The following MACROD2 variants were observed in gnomAD, a reference collection of about 807,000 sequenced individuals.
MACROD2 encodes the protein mono-ADP ribosylhydrolase 2, also known as ADP-ribose glycohydrolase MACROD2.
Under a neutral mutation model 70.4 loss-of-function variants are expected in MACROD2, and 36 were observed. That is an observed-to-expected ratio of 0.51 (90% CI 0.39 to 0.68). MACROD2 has a LOEUF of 0.68. Among genes scored for constraint, MACROD2 ranks in the 30% least tolerant of loss-of-function variants. MACROD2 has a pLI of 0.00. For synonymous variants in MACROD2, 172 were observed against 178.8 expected, an observed-to-expected ratio of 0.96 and a Z score of 0.30; for missense variants, 496 against 538.4, an observed-to-expected ratio of 0.92 and a Z score of 0.78.
intron 10 of MACROD2, among the ~76,000 whole-genome samples, chr20:15,931,273 T>C (rs906766938): frequency 3.3e-5 from 5 of 152,168 alleles, no homozygotes; most frequent in African/African-American, 1.2e-4. Context: ...AAATATCAGA[T>C]AATCATGTAG....
At chr20:14,556,073 T>C (rs1007442314) in intron 4 of MACROD2, among the ~76,000 whole-genome samples, 4 of 152,096 alleles carry the variant, frequency 2.6e-5, no homozygotes, top group Admixed American at 6.6e-5. Flanking sequence ...TGCCTGCATA[T>C]GAACAACAAA....
At chr20:15,144,654 A>T (rs941411967) in intron 5 of MACROD2, among the ~76,000 whole-genome samples, 1 of 152,206 alleles carries the variant, frequency 6.6e-6, no homozygotes, top group Non-Finnish European at 1.5e-5. Context: ...CTTTGTTAAA[A>T]ATAATCAGGT....
intron 5 of MACROD2, among the ~76,000 whole-genome samples, chr20:14,982,534 C>G (rs141090628): frequency 3.3e-5 from 5 of 152,148 alleles, no homozygotes; most frequent in Admixed American, 3.3e-4. Flanking sequence ...TGTGTGCAGC[C>G]TAGGGACTTG....
At chr20:14,619,658 T>C (rs1983717799) in intron 4 of MACROD2, among the ~76,000 whole-genome samples, 1 of 152,066 alleles carries the variant, frequency 6.6e-6, no homozygotes, top group African/African-American at 2.4e-5. Flanking sequence ...TCCCTATTTT[T>C]CCCTTTCTTT....
At chr20:16,011,150 T>C (rs1212829926) in intron 15 of MACROD2, among the ~76,000 whole-genome samples, 3 of 152,198 alleles carry the variant, frequency 2.0e-5, no homozygotes, top group Non-Finnish European at 4.4e-5. Context: ...TGAAGAAGCA[T>C]GTTCTAATCG....
chr20:14,462,216 G>A (rs895207726), intron 3 of MACROD2, among the ~76,000 whole-genome samples: 1 of 152,074 alleles, frequency 6.6e-6, no homozygotes, highest in Non-Finnish European at 1.5e-5. Flanking sequence ...ACTTTTTAAT[G>A]ATTGCCATTC....
At chr20:15,243,686 C>T (rs192780395) in intron 6 of MACROD2, among the ~76,000 whole-genome samples, 30 of 151,756 alleles carry the variant, frequency 2.0e-4, no homozygotes, top group Admixed American at 1.5e-3. Context: ...GAGGCCGAGG[C>T]GGGCAAATCA....
At chr20:15,513,191 T>C (rs1325340206) in intron 8 of MACROD2, among the ~76,000 whole-genome samples, 1 of 152,210 alleles carries the variant, frequency 6.6e-6, no homozygotes, top group Non-Finnish European at 1.5e-5. Flanking sequence ...CTTTCAAGCC[T>C]TTTTGTCTAG....
At chr20:15,169,771 CT>C (rs57221081) in intron 5 of MACROD2, among the ~76,000 whole-genome samples, 23 of 148,908 alleles carry the variant, frequency 1.5e-4, no homozygotes, top group East Asian at 2.0e-4. Flanking sequence ...GACCTGAAAG[CT>C]TTTTTTTTTC....
chr20:14,260,155 G>A (rs1455139694), intron 3 of MACROD2, among the ~76,000 whole-genome samples: 1 of 152,126 alleles, frequency 6.6e-6, no homozygotes, highest in East Asian at 1.9e-4. Flanking sequence ...AGATAAAACA[G>A]TCTTAAGAAG....
chr20:15,835,507 G>T (rs936401167), intron 8 of MACROD2, among the ~76,000 whole-genome samples: 19 of 152,044 alleles, frequency 1.2e-4, no homozygotes, highest in African/African-American at 4.3e-4. Context: ...AACATAGCCA[G>T]ATGATTGGTA....
At chr20:15,352,101 T>A (rs2078233868) in intron 6 of MACROD2, among the ~76,000 whole-genome samples, 1 of 152,196 alleles carries the variant, frequency 6.6e-6, no homozygotes, top group South Asian at 2.1e-4. Flanking sequence ...ATGGTCCATG[T>A]GCAGCAGAGT....
intron 8 of MACROD2, among the ~76,000 whole-genome samples, chr20:15,846,911 T>TTATATGTATATATA (rs2064237693): frequency 7.2e-6 from 1 of 138,104 alleles, no homozygotes; most frequent in African/African-American, 2.7e-5. Context: ...AAAAAAAAAA[T>TTATATGTATATATA]TATATATATA....
At chr20:15,227,823 G>GTTTTTTTTT (rs59129207) in intron 5 of MACROD2, among the ~76,000 whole-genome samples, 2,583 of 46,002 alleles carry the variant, frequency 0.056, 644 homozygotes, top group African/African-American at 0.067. Context: ...AATTTCACCT[G>GTTTTTTTTT]TTTTTTTTTT....
At chr20:15,187,536 T>C (rs6110545) in intron 5 of MACROD2, among the ~76,000 whole-genome samples, 22,245 of 152,090 alleles carry the variant, frequency 0.15, 2,479 homozygotes, top group African/African-American at 0.31. Flanking sequence ...CATTTCAATA[T>C]ATACTGGAAC....
At chr20:15,312,938 A>AT (rs1293988354) in intron 6 of MACROD2, among the ~76,000 whole-genome samples, 3 of 151,976 alleles carry the variant, frequency 2.0e-5, no homozygotes, top group South Asian at 4.1e-4. Context: ...TAATTTACTG[A>AT]TTTTCTCTAG....
At chr20:14,133,012 G>A (rs574409547) in intron 3 of MACROD2, among the ~76,000 whole-genome samples, 34 of 152,186 alleles carry the variant, frequency 2.2e-4, no homozygotes, top group Non-Finnish European at 3.5e-4. Context: ...GTGTGTGTGT[G>A]TGTGTATATG....
At chr20:15,871,502 A>C (rs778140455) in intron 9 of MACROD2, among the ~76,000 whole-genome samples, 7 of 152,226 alleles carry the variant, frequency 4.6e-5, no homozygotes, top group Non-Finnish European at 8.8e-5. Flanking sequence ...TTCTTGTAAT[A>C]GTCCTGAAGG....
At chr20:15,062,349 C>T (rs1786250115) in intron 5 of MACROD2, among the ~76,000 whole-genome samples, 2 of 152,076 alleles carry the variant, frequency 1.3e-5, no homozygotes, top group African/African-American at 4.8e-5. Context: ...AAGTAGATCC[C>T]ATGCACTGAC....
Sources: allele counts gnomAD v4.1 joint callset (sites outside exome capture counted in the v4.1 genomes callset), GRCh38; gene constraint gnomAD v4.1.1; transcripts MANE v1.5; gene names NCBI Gene and HGNC (gene_info 2026-07-23, HGNC 2026-07-21).